The following PTPRM variants were observed in gnomAD, a reference collection of about 807,000 sequenced individuals.
PTPRM encodes protein tyrosine phosphatase receptor type M.
In PTPRM, 47 loss-of-function variants were observed where a neutral mutation model predicts 186.7. The ratio of observed to expected loss-of-function variants is 0.25; its 90% CI spans 0.20 to 0.32. The LOEUF (loss-of-function observed/expected upper bound fraction) is 0.32. Among genes scored for constraint, PTPRM ranks in the 10% least tolerant of loss-of-function variants. PTPRM has a pLI of 1.00. For missense variants in PTPRM, 1,494 were observed against 1,865.0 expected (o/e 0.80, Z 3.66); for synonymous variants, 668 against 674.9 (o/e 0.99, Z 0.16).
intron 6 of PTPRM, among the ~76,000 whole-genome samples, chr18:7,954,631 C>T (rs2053193774): frequency 6.6e-6 from 1 of 152,058 alleles, no homozygotes; most frequent in South Asian, 2.1e-4. Flanking sequence ...CTTCCTAGAG[C>T]TTAAATACTA....
intron 23 of PTPRM, among the ~76,000 whole-genome samples, chr18:8,349,944 G>A (rs757810112): frequency 6.6e-6 from 1 of 152,202 alleles, no homozygotes; most frequent in South Asian, 2.1e-4. Flanking sequence ...TTGTGCTGTT[G>A]TGGTCTCAGA....
chr18:7,725,824 G>A (rs980918453), intron 1 of PTPRM, among the ~76,000 whole-genome samples: 3 of 152,074 alleles, frequency 2.0e-5, no homozygotes, highest in African/African-American at 2.4e-5. Flanking sequence ...CAGTTCGTTC[G>A]TGTGACCTCA....
chr18:8,013,977 C>G (rs897270259), intron 7 of PTPRM, among the ~76,000 whole-genome samples: 4 of 151,946 alleles, frequency 2.6e-5, no homozygotes, highest in Non-Finnish European at 5.9e-5. Flanking sequence ...CATATCATCC[C>G]GAAACTCAAG....
chr18:7,951,822 A>G (rs2052979258), intron 6 of PTPRM, among the ~76,000 whole-genome samples: 1 of 152,214 alleles, frequency 6.6e-6, no homozygotes, highest in Admixed American at 6.5e-5. Flanking sequence ...ATACACTAAC[A>G]TTTTTAGGCC....
chr18:7,822,892 G>A (rs1378327875), intron 2 of PTPRM, among the ~76,000 whole-genome samples: 1 of 152,118 alleles, frequency 6.6e-6, no homozygotes, highest in African/African-American at 2.4e-5. Flanking sequence ...GCAGCTGTGT[G>A]CTGTGGGCCA....
intron 20 of PTPRM, among the ~76,000 whole-genome samples, chr18:8,311,320 A>AC (rs1204646474): frequency 2.0e-5 from 3 of 152,150 alleles, no homozygotes; most frequent in Admixed American, 6.5e-5. Flanking sequence ...AAAAAAAAAA[A>AC]AAACCTGAAA....
intron 1 of PTPRM, among the ~76,000 whole-genome samples, chr18:7,644,824 C>G (rs767701501): frequency 6.6e-6 from 1 of 152,054 alleles, no homozygotes; most frequent in Non-Finnish European, 1.5e-5. Flanking sequence ...TATGGCCATA[C>G]AGTAGAAGAT....
intron 4 of PTPRM, among the ~76,000 whole-genome samples, chr18:7,914,420 C>T (rs1202125846): frequency 1.3e-5 from 2 of 152,044 alleles, no homozygotes; most frequent in Non-Finnish European, 2.9e-5. Context: ...TGACTTTGAC[C>T]TGAAACATGT....
chr18:8,292,775 A>G (rs2095055708), intron 19 of PTPRM, among the ~76,000 whole-genome samples: 2 of 152,214 alleles, frequency 1.3e-5, no homozygotes, highest in Admixed American at 1.3e-4. Context: ...GAAGTAATCA[A>G]TAGTTAAAAT....
intron 23 of PTPRM, among the ~76,000 whole-genome samples, chr18:8,370,175 A>G (rs560004488): frequency 3.0e-5 from 4 of 132,810 alleles, no homozygotes; most frequent in Non-Finnish European, 4.9e-5. Flanking sequence ...TGATGTCTAG[A>G]AAAACATTCT....
rs999816194 is a variant in PTPRM, at chr18:8,295,910, G to A, written c.2755-458G>A. Among the ~76,000 whole-genome samples, 11 of 152,264 alleles carry A rather than the reference G, an allele frequency of 7.2e-5. No homozygotes were observed. In the East Asian group the frequency reaches 2.1e-3, roughly 29 times the overall value. ...AGGATTTTAGCCTGGAAGTCATAAA[G>A]TCTCAGCTTACCTACTCTCATGTTT... On this transcript the variant is annotated intron_variant, in intron 19 of 32. Transcript: ENST00000580170.
intron 1 of PTPRM, among the ~76,000 whole-genome samples, chr18:7,756,247 G>A (rs2041484474): frequency 6.6e-6 from 1 of 152,186 alleles, no homozygotes; most frequent in Non-Finnish European, 1.5e-5. Flanking sequence ...TTCTGATGCA[G>A]ATTGAAAAGC....
At chr18:8,219,606 A>T (rs553425221) in intron 14 of PTPRM, among the ~76,000 whole-genome samples, 9 of 152,390 alleles carry the variant, frequency 5.9e-5, no homozygotes, top group Admixed American at 2.0e-4. Context: ...AGGCAAAGAC[A>T]TAAATCAATA....
intron 14 of PTPRM, among the ~76,000 whole-genome samples, chr18:8,169,757 A>T (rs2093371858): frequency 6.6e-6 from 1 of 152,118 alleles, no homozygotes; most frequent in Non-Finnish European, 1.5e-5. Flanking sequence ...ATATATTCAT[A>T]TATGCTCAAT....
At chr18:7,764,847 TG>T (rs770152833) in intron 1 of PTPRM, among the ~76,000 whole-genome samples, 2 of 152,360 alleles carry the variant, frequency 1.3e-5, no homozygotes, top group East Asian at 3.9e-4. Flanking sequence ...TGTTTTCATT[TG>T]TTACTCCTGC....
intron 8 of PTPRM, among the ~76,000 whole-genome samples, chr18:8,074,556 T>G (rs2089686217): frequency 2.0e-5 from 3 of 152,214 alleles, no homozygotes. Flanking sequence ...CTCTTCCTTC[T>G]TGCCAGCACT....
Position 7,763,946 on chromosome 18 carries a change from A to G in PTPRM, c.74-10203A>G, listed in dbSNP as rs1460572555. Among the ~76,000 whole-genome samples, 3 of 151,470 alleles carry G rather than the reference A, an allele frequency of 2.0e-5. No individual in the cohort carries two copies. The East Asian group carries it at 5.8e-4, about 29-fold the overall frequency. ...GCAGTGCTACTGGGCATAAAATGCA[A>G]TTCTTTTTTTTTTTTTTAATTAATT... On this transcript the variant is annotated intron_variant, in intron 1 of 32. Coordinates refer to ENST00000580170, the MANE Select transcript of PTPRM (RefSeq NM_001105244.2).
At chr18:8,314,267 T>C (rs1373717954) in intron 20 of PTPRM, among the ~76,000 whole-genome samples, 6 of 152,106 alleles carry the variant, frequency 3.9e-5, no homozygotes, top group Admixed American at 3.9e-4. Context: ...ACATGATGGA[T>C]GGTGACAGCT....
At chr18:7,776,773 A>G (rs909574551) in intron 2 of PTPRM, among the ~76,000 whole-genome samples, 3 of 152,222 alleles carry the variant, frequency 2.0e-5, no homozygotes, top group African/African-American at 7.2e-5. Context: ...CCAATATTTT[A>G]TAAAAGAATG....
Sources: allele counts gnomAD v4.1 joint callset (sites outside exome capture counted in the v4.1 genomes callset), GRCh38; gene constraint gnomAD v4.1.1; transcripts MANE v1.5; gene names NCBI Gene and HGNC (gene_info 2026-07-23, HGNC 2026-07-21).